Variants in EPB41L2 observed in about 807,000 individuals in gnomAD.
The protein encoded by EPB41L2 is band 4.1-like protein 2.
EPB41L2 carries 43 observed loss-of-function variants against 113.0 expected under a neutral mutation model. That is an observed-to-expected ratio of 0.38 (90% CI 0.30 to 0.49). The LOEUF is 0.49. EPB41L2 is among the 20% of genes least tolerant of loss of function. EPB41L2 has a pLI of 0.95. For missense variants in EPB41L2, 1,147 were observed against 1,223.4 expected (o/e 0.94, Z 0.93); for synonymous variants, 442 against 436.7 (o/e 1.01, Z -0.15).
chr6:130,908,737 C>G, intron 5 of EPB41L2, 84 bp downstream of exon 5: 1 of 1,045,696 alleles, frequency 9.6e-7, no homozygotes, highest in South Asian at 1.7e-5. Context: ...CAAAATAGAA[C>G]TGACCATTCT....
chr6:131,000,671 C>A (rs908383707), intron 1 of EPB41L2: 3 of 152,228 alleles, frequency 2.0e-5, no homozygotes, highest in Admixed American at 6.5e-5. Flanking sequence ...TCAGAACTCA[C>A]ACCTGCAGCC....
At chr6:131,009,905 G>A (rs1584492386) in intron 1 of EPB41L2, among the ~76,000 whole-genome samples, 1 of 152,160 alleles carries the variant, frequency 6.6e-6, no homozygotes, top group African/African-American at 2.4e-5. Flanking sequence ...GGGCCTAACA[G>A]TTTATTGTCC....
chr6:131,050,003 G>A (rs1294107810), intron 1 of EPB41L2, among the ~76,000 whole-genome samples: 1 of 152,066 alleles, frequency 6.6e-6, no homozygotes, highest in Non-Finnish European at 1.5e-5. Context: ...TAAACTCTTC[G>A]CTCTTCTTAC....
intron 10 of EPB41L2, among the ~76,000 whole-genome samples, chr6:130,891,836 C>A (rs1035649504): frequency 1.3e-5 from 2 of 152,142 alleles, no homozygotes; most frequent in African/African-American, 4.8e-5. Flanking sequence ...AGATTAATGG[C>A]TTCAATCTGC....
At chr6:130,906,162 G>T (rs961425374) in intron 5 of EPB41L2, among the ~76,000 whole-genome samples, 8 of 152,128 alleles carry the variant, frequency 5.3e-5, no homozygotes, top group Admixed American at 2.0e-4. Context: ...GTTATCACAG[G>T]ATTATCATTT....
intron 18 of EPB41L2, among the ~76,000 whole-genome samples, chr6:130,863,199 C>T (rs554046419): frequency 6.6e-6 from 1 of 152,266 alleles, no homozygotes; most frequent in South Asian, 2.1e-4. Flanking sequence ...GGAGAAAACA[C>T]CTGGAAGTAA....
chr6:130,930,382 GT>G (rs35965557), intron 3 of EPB41L2, among the ~76,000 whole-genome samples: 2 of 152,138 alleles, frequency 1.3e-5, no homozygotes, highest in South Asian at 2.1e-4. Flanking sequence ...AAATCCAAAA[GT>G]TTTTTAACGC....
chr6:130,847,995 T>C (rs368879226), intron 19 of EPB41L2, among the ~76,000 whole-genome samples: 96 of 152,126 alleles, frequency 6.3e-4, no homozygotes, highest in African/African-American at 2.1e-3. Context: ...AGCTTAAAAA[T>C]ACAAACTAAC....
intron 6 of EPB41L2, 142 bp downstream of exon 6, chr6:130,904,323 G>A (rs1367188375): frequency 4.3e-5 from 20 of 467,708 alleles, no homozygotes; most frequent in Non-Finnish European, 6.9e-5. Flanking sequence ...CTATTTGGAT[G>A]TACCCATTTT....
chr6:131,031,976 T>C (rs1046444822), intron 1 of EPB41L2, among the ~76,000 whole-genome samples: 1 of 152,206 alleles, frequency 6.6e-6, no homozygotes, highest in East Asian at 1.9e-4. Flanking sequence ...GCAAGGCATT[T>C]GTTTAAACTA....
chr6:130,877,418 A>G (rs899901345), intron 14 of EPB41L2, among the ~76,000 whole-genome samples: 2 of 152,224 alleles, frequency 1.3e-5, no homozygotes, highest in African/African-American at 4.8e-5. Context: ...TCCTAGAGGC[A>G]CAGATGTGGA....
intron 3 of EPB41L2, among the ~76,000 whole-genome samples, chr6:130,936,185 G>A (rs1808724256): frequency 6.6e-6 from 1 of 152,162 alleles, no homozygotes; most frequent in Admixed American, 6.5e-5. Context: ...TTATGAGGAA[G>A]AATTATCTAA....
At chr6:130,860,973 G>A (rs1781830630) in intron 18 of EPB41L2, among the ~76,000 whole-genome samples, 1 of 152,234 alleles carries the variant, frequency 6.6e-6, no homozygotes, top group Non-Finnish European at 1.5e-5. Context: ...GCAAGTTTCT[G>A]TAAAAGCATG....
chr6:130,863,183 G>A (rs113421368), intron 18 of EPB41L2, among the ~76,000 whole-genome samples: 9 of 152,144 alleles, frequency 5.9e-5, no homozygotes, highest in African/African-American at 1.7e-4. Flanking sequence ...CCCAATAATC[G>A]CAATAGGAGA....
At chr6:130,870,230 A>G in intron 14 of EPB41L2, 104 bp from the exon 15 acceptor site, 1 of 1,526,914 alleles carries the variant, frequency 6.5e-7, no homozygotes, top group Non-Finnish European at 8.9e-7. Flanking sequence ...GGAGAAAAAC[A>G]AAGATGATTA....
chr6:130,958,018 C>CA (rs1214259288), intron 1 of EPB41L2, among the ~76,000 whole-genome samples: 1 of 152,200 alleles, frequency 6.6e-6, no homozygotes, highest in Non-Finnish European at 1.5e-5. Context: ...ACCACAAAAA[C>CA]AGTCAAGTCA....
Position 130,858,254 on chromosome 6 carries a change from C to G in EPB41L2, c.2911-11G>C. The G allele has an allele frequency of 6.2e-7, 1 of 1,606,904 alleles. No homozygotes were observed. On this transcript the variant is annotated splice_polypyrimidine_tract_variant and intron_variant, in intron 18 of 19. Transcript: ENST00000337057. ...CGCCTGAGCCAGTGCCTGCCAGGGT[C>G]AGGACAGAGAACGGCTGTGAGCTGG...
intron 1 of EPB41L2, among the ~76,000 whole-genome samples, chr6:131,061,888 C>T (rs1798724148): frequency 6.6e-6 from 1 of 151,880 alleles, no homozygotes; most frequent in African/African-American, 2.4e-5. Context: ...TTTTTTAAAA[C>T]AGCTTAAATA....
chr6:130,977,774 A>G (rs1304660679), intron 1 of EPB41L2, among the ~76,000 whole-genome samples: 1 of 152,236 alleles, frequency 6.6e-6, no homozygotes, highest in Non-Finnish European at 1.5e-5. Flanking sequence ...CACGTATAAC[A>G]TAAAAGTAGC....
Sources: gnomAD v4.1 joint callset for allele counts (sites outside exome capture counted in the v4.1 genomes callset) on GRCh38, gnomAD v4.1.1 for gene constraint, MANE v1.5 for transcripts, NCBI Gene and HGNC (gene_info 2026-07-23, HGNC 2026-07-21) for gene names.